Variants in ABCG5 observed in about 807,000 individuals in gnomAD.
The protein encoded by ABCG5 is ATP binding cassette subfamily G member 5.
ABCG5 carries 64 observed loss-of-function variants against 64.5 expected under a neutral mutation model. That is an observed-to-expected ratio of 0.99 (90% confidence interval 0.81 to 1.22). ABCG5 has a LOEUF of 1.22. ABCG5 is among the 50% of genes most tolerant of loss of function. The pLI, the probability that ABCG5 is intolerant of heterozygous loss-of-function variation, is 0.00. For missense variants in ABCG5, 908 were observed against 829.5 expected, an observed-to-expected ratio of 1.09 and a Z score of -1.16; for synonymous variants, 385 against 326.3, an observed-to-expected ratio of 1.18 and a Z score of -1.94.
chr2:43,821,884 C>T (rs1667231081), intron 10 of ABCG5, among the ~76,000 whole-genome samples: 1 of 152,002 alleles, frequency 6.6e-6, no homozygotes, highest in Non-Finnish European at 1.5e-5. Flanking sequence ...CTCCCCCTCT[C>T]TTCCCGCACC....
chr2:43,832,263 G>A (rs1330838811), intron 2 of ABCG5, 180 bp from the exon 3 acceptor site: 7 of 779,344 alleles, frequency 9.0e-6, no homozygotes, highest in Non-Finnish European at 1.4e-5. Flanking sequence ...CGCACTGTGC[G>A]TGCAGCAGTC....
Position 43,814,606 on chromosome 2 carries a change from C to G in ABCG5, c.1650-17G>C. ...TGTATGTTTCTTAAGAAAAAGAAAA[C>G]AAAAATGAAATTCAGTAGGCTCTGG... is the stretch of plus-strand genomic sequence containing the variant. On this transcript the variant is annotated splice_polypyrimidine_tract_variant and intron_variant, in intron 11 of 12. Coordinates refer to ENST00000405322, the MANE Select transcript of ABCG5 (RefSeq NM_022436.3). The G allele has an allele frequency of 1.3e-6, 2 of 1,490,942 alleles. No individual in the cohort carries two copies. The highest frequency in any genetic ancestry group is 1.9e-6 in the Non-Finnish European group (2 of 1,069,850). The allele number at this position is 1,490,942 out of a possible 1,614,324, so 92.4% of individuals were successfully genotyped here.
intron 5 of ABCG5, among the ~76,000 whole-genome samples, chr2:43,827,431 TGCAA>T (rs1371525333): frequency 6.6e-6 from 1 of 152,026 alleles, no homozygotes; most frequent in Non-Finnish European, 1.5e-5. Flanking sequence ...TCTACCACAG[TGCAA>T]AGAAAGGATC....
intron 11 of ABCG5, among the ~76,000 whole-genome samples, chr2:43,817,782 C>T (rs1334650221): frequency 6.6e-6 from 1 of 151,810 alleles, no homozygotes; most frequent in Non-Finnish European, 1.5e-5. Flanking sequence ...TAATGGCAGG[C>T]ACCTGTAATC....
chr2:43,827,857 A>C, intron 5 of ABCG5, 126 bp downstream of exon 5: 1 of 1,456,716 alleles, frequency 6.9e-7, no homozygotes, highest in Non-Finnish European at 9.3e-7. Context: ...AGTTTGAAAA[A>C]CCTGTGATTT....
chr2:43,829,553 A>G (rs900452234), intron 4 of ABCG5, among the ~76,000 whole-genome samples: 5 of 152,230 alleles, frequency 3.3e-5, no homozygotes, highest in Non-Finnish European at 7.3e-5. Context: ...TTTCTAATCA[A>G]GAAGCTTGGC....
intron 2 of ABCG5, 63 bp downstream of exon 2, chr2:43,837,771 T>C (rs976019777): frequency 3.7e-6 from 6 of 1,607,908 alleles, no homozygotes; most frequent in Non-Finnish European, 5.1e-6. Flanking sequence ...ACTTAATCTG[T>C]TTCTTCAATG....
Position 43,838,734 on chromosome 2 carries a change from G to A in ABCG5, c.-55C>T, listed in dbSNP as rs934650272. ...TTCTGGTGGCCGGACCCTCCCCAGA[G>A]TGGCTTCAGTTGGGGAGCCCGTGGC... is the stretch of plus-strand genomic sequence containing the variant. On this transcript the variant is annotated 5_prime_UTR_variant, in exon 1 of 13. Transcript: ENST00000405322. The surrounding 1 kb of genome is among the most constrained non-coding windows in gnomAD (Gnocchi z 4.2). 1.2e-5 allele frequency: 19 copies of A among 1,598,620 alleles called. No homozygotes were observed. The highest frequency in any genetic ancestry group is 1.6e-5 in the Non-Finnish European group (19 of 1,173,444).
At chr2:43,833,946 G>C (rs1434129802) in intron 2 of ABCG5, among the ~76,000 whole-genome samples, 3 of 151,910 alleles carry the variant, frequency 2.0e-5, no homozygotes, top group Non-Finnish European at 4.4e-5. Context: ...GGCCTCCCAA[G>C]GTGCTGGGAT....
At chr2:43,810,361 T>C, downstream of ABCG5, 1 of 985,282 alleles carries the variant, frequency 1.0e-6, no homozygotes, top group Non-Finnish European at 1.2e-6. Flanking sequence ...TTATTTTAAA[T>C]ACCACTTTTT....
At position 43,824,405 on chromosome 2, in the gene ABCG5, C is replaced by G. The variant is rs1454959267; in HGVS notation, c.932G>C (p.Ser311Thr). The G allele has an allele frequency of 8.1e-6, 13 of 1,614,098 alleles. No homozygotes were observed. In the South Asian group the frequency reaches 1.1e-4, roughly 14 times the overall value. Residue 311 changes from serine to threonine, a missense_variant, in exon 8 of 13, where the codon AGC becomes ACC. Physicochemically the swap from Ser to Thr is moderately conservative, Grantham distance 58. Transcript: ENST00000405322. The stretch of plus-strand genomic sequence containing the variant: ...GGAGGTTTCTATTTCCCGTTCCTTG[C>G]TTTGGGTATCCACTGACGTCAGGTC... The part of the protein sequence containing the change: ...YMDLTSVDTQ[S>T]KEREIETSKR...
chr2:43,832,192 T>C, intron 2 of ABCG5, 109 bp from the exon 3 acceptor site: 1 of 1,443,952 alleles, frequency 6.9e-7, no homozygotes, highest in Non-Finnish European at 9.5e-7. Context: ...GAGTGCTACA[T>C]GACGGACCCT....
chr2:43,813,392 G>T, intron 12 of ABCG5, 83 bp from the exon 13 acceptor site: 1 of 976,806 alleles, frequency 1.0e-6, no homozygotes. Flanking sequence ...CGCTTGCTAA[G>T]TACCCTTAAT....
chr2:43,824,512 T>A, intron 7 of ABCG5, 80 bp from the exon 8 acceptor site: 1 of 1,597,426 alleles, frequency 6.3e-7, no homozygotes, highest in Non-Finnish European at 8.5e-7. Context: ...GGTACAGGAG[T>A]ACTGGCCATA....
At position 43,832,092 on chromosome 2, in the gene ABCG5, CG is replaced by C; in HGVS notation, c.266-10del. 2 of 1,574,242 alleles carry C rather than the reference CG, an allele frequency of 1.3e-6. No homozygotes were observed. The highest frequency in any genetic ancestry group is 1.7e-6 in the Non-Finnish European group (2 of 1,160,350). Reference sequence around the variant, plus strand: ...CGTGGTTTTCCCGGAGCCTGCGGGGCGACAACAGAAGGCCCTAGAGGAACCA... The same window carrying C: ...CGTGGTTTTCCCGGAGCCTGCGGGGCACAACAGAAGGCCCTAGAGGAACCA... On this transcript the variant is annotated splice_polypyrimidine_tract_variant and intron_variant, in intron 2 of 12. Coordinates refer to ENST00000405322, the MANE Select transcript of ABCG5 (RefSeq NM_022436.3).
chr2:43,808,207 A>T (rs1017243664), downstream of ABCG5, among the ~76,000 whole-genome samples: 13 of 152,108 alleles, frequency 8.5e-5, no homozygotes, highest in Non-Finnish European at 1.5e-4. Flanking sequence ...AGCTGTAAAG[A>T]CTACATATGA....
downstream of ABCG5, among the ~76,000 whole-genome samples, chr2:43,811,473 C>T (rs1298263489): frequency 6.6e-6 from 1 of 152,200 alleles, no homozygotes; most frequent in African/African-American, 2.4e-5. Context: ...TGAACAAGTT[C>T]ATGCGCTCTC....
chr2:43,820,391 C>T lies in ABCG5; in HGVS notation c.1464-291G>A, dbSNP rs4148189. Among the ~76,000 whole-genome samples the T allele has an allele frequency of 0.24, 36,580 of 152,062 alleles. 6,956 individuals are homozygous for T. Among genetic ancestry groups the T allele is most frequent in the African/African-American group, 0.52 (21,701 of 41,446 alleles). ...TACTTAGACAATGGTCACAACTAAC[C>T]GCAGTAAGCAGGCTTGTTGAACTCT... On this transcript the variant is annotated intron_variant, in intron 10 of 12. Transcript: ENST00000405322.
At chr2:43,814,007 T>C (rs114904639) in intron 12 of ABCG5, among the ~76,000 whole-genome samples, 3,292 of 152,250 alleles carry the variant, frequency 0.022, 82 homozygotes, top group African/African-American at 0.062. Context: ...TGAGCCACTG[T>C]GCCCGGCCAC....
Sources: gnomAD v4.1 joint callset for allele counts (sites outside exome capture counted in the v4.1 genomes callset) on GRCh38, gnomAD v4.1.1 for gene constraint, Gnocchi (gnomAD v3.1) non-coding constraint, MANE v1.5 for transcripts, NCBI Gene and HGNC (gene_info 2026-07-23, HGNC 2026-07-21) for gene names.